The following HEATR1 variants were observed in gnomAD, a reference collection of about 807,000 sequenced individuals.
The protein encoded by HEATR1 is HEAT repeat containing 1, also known as HEAT repeat-containing protein 1.
Under a neutral mutation model 248.2 loss-of-function variants are expected in HEATR1, and 77 were observed. The ratio of observed to expected loss-of-function variants is 0.31; its 90% confidence interval spans 0.26 to 0.37. The LOEUF is 0.37. Among genes scored for constraint, HEATR1 ranks in the 10% least tolerant of loss-of-function variants. The pLI, the probability that HEATR1 is intolerant of heterozygous loss-of-function variation, is 1.00. For synonymous variants in HEATR1, 897 were observed against 923.1 expected, an observed-to-expected ratio of 0.97 and a Z score of 0.51; for missense variants, 2,420 against 2,504.9, an observed-to-expected ratio of 0.97 and a Z score of 0.72.
At chr1:236,589,432 T>C (rs1663973143) in intron 12 of HEATR1, among the ~76,000 whole-genome samples, 1 of 152,236 alleles carries the variant, frequency 6.6e-6, no homozygotes, top group South Asian at 2.1e-4. Flanking sequence ...ATGTTGTTTG[T>C]TGTTTATATA....
chr1:236,573,794 G>A (rs1461865138), intron 24 of HEATR1, among the ~76,000 whole-genome samples: 4 of 151,954 alleles, frequency 2.6e-5, no homozygotes, highest in Admixed American at 1.3e-4. Context: ...TTCAATATAC[G>A]TATAAAACCA....
At position 236,585,211 on chromosome 1, in the gene HEATR1, C is replaced by T. The variant is rs751123061; in HGVS notation, c.2055G>A (p.Glu685=). 3.1e-6 allele frequency: 5 copies of T among 1,602,568 alleles called. No individual in the cohort carries two copies. In the East Asian group the frequency reaches 6.7e-5, roughly 21 times the overall value. ...GDPSSMLKMV[E]DLISVGEEES... is the part of the protein sequence containing the mutation. ...CCTCCTCACCCACGCTTATTAAATCCTCCACCTTGAAAAATAAACACACTC... is the reference window on the plus strand; with the variant it reads ...CCTCCTCACCCACGCTTATTAAATCTTCCACCTTGAAAAATAAACACACTC... The change falls in exon 17 of 45, where the codon GAG becomes GAA. Residue 685 remains glutamate (E), a synonymous_variant. Transcript: ENST00000366582.
chr1:236,601,681 A>C (rs605565), intron 3 of HEATR1, among the ~76,000 whole-genome samples: 4,082 of 123,166 alleles, frequency 0.033, 57 homozygotes, highest in Non-Finnish European at 0.047. Context: ...AACAAACAAA[A>C]AAAAAACTAG....
rs147127142 is a variant in HEATR1 at position 236,581,980 on chromosome 1, G to A, written c.2563-566C>T. Among the ~76,000 whole-genome samples, 662 of 151,858 alleles carry A rather than the reference G, an allele frequency of 4.4e-3. 6 individuals carry two copies. The highest frequency in any genetic ancestry group is 0.015 in the African/African-American group (620 of 41,234). ...AATGTTAGTTTCTATTCAACCTACCGATTAGTATTGTGATTGTACTCTTTT... is the reference window on the plus strand; with the variant it reads ...AATGTTAGTTTCTATTCAACCTACCAATTAGTATTGTGATTGTACTCTTTT... On this transcript the variant is annotated intron_variant, in intron 19 of 44. Transcript: ENST00000366582.
At chr1:236,552,383 T>TA (rs1216168538) in intron 43 of HEATR1, 28 of 208,212 alleles carry the variant, frequency 1.3e-4, no homozygotes, top group Non-Finnish European at 1.8e-4. Flanking sequence ...TCTCTTCCTT[T>TA]AAAAAAAACC....
At chr1:236,594,369 TAACAA>T (rs1308347463) in intron 8 of HEATR1, among the ~76,000 whole-genome samples, 8 of 152,288 alleles carry the variant, frequency 5.3e-5, no homozygotes, top group East Asian at 1.9e-4. Context: ...CTTATAACAA[TAACAA>T]AACAAAAGTC....
At chr1:236,597,287 C>CT (rs1265394241) in intron 5 of HEATR1, among the ~76,000 whole-genome samples, 9 of 142,924 alleles carry the variant, frequency 6.3e-5, no homozygotes, top group African/African-American at 1.9e-4. Context: ...GATGGAGTCT[C>CT]TGTCGCCCAG....
intron 9 of HEATR1, among the ~76,000 whole-genome samples, chr1:236,593,245 C>G (rs1203725878): frequency 6.6e-6 from 1 of 151,752 alleles, no homozygotes; most frequent in Non-Finnish European, 1.5e-5. Flanking sequence ...TTCCAATTTG[C>G]TCATGAGAAC....
intron 32 of HEATR1, among the ~76,000 whole-genome samples, chr1:236,564,068 T>A (rs1384985049): frequency 6.6e-6 from 1 of 152,204 alleles, no homozygotes; most frequent in Non-Finnish European, 1.5e-5. Context: ...CAGTGAGCCA[T>A]GATTGCTCTA....
intron 32 of HEATR1, 77 bp from the exon 33 acceptor site, chr1:236,561,348 C>A: frequency 8.8e-7 from 1 of 1,136,128 alleles, no homozygotes; most frequent in Non-Finnish European, 1.3e-6. Flanking sequence ...TTCAATGAAA[C>A]TCGGACCATT....
intron 4 of HEATR1, 51 bp from the exon 5 acceptor site, chr1:236,598,030 T>C: frequency 8.4e-7 from 1 of 1,189,288 alleles, no homozygotes; most frequent in East Asian, 2.4e-5. Flanking sequence ...CAACTGATCC[T>C]TATTTTAAAG....
In HEATR1 at chr1:236,604,127, G is replaced by A. The variant is rs747428370; in HGVS notation, c.-32C>T. 1.3e-6 allele frequency: 2 copies of A among 1,537,760 alleles called. No homozygotes were observed. The highest frequency in any genetic ancestry group is 1.7e-6 in the Non-Finnish European group (2 of 1,150,538). The stretch of plus-strand genomic sequence containing the variant: ...CGCCAGCGGAGTTTTAATGACACGG[G>A]CTAAAAAAACGTAAGCACTTTGATA... On this transcript the variant is annotated splice_region_variant and 5_prime_UTR_variant, in exon 2 of 45. Coordinates refer to ENST00000366582, the MANE Select transcript of HEATR1 (RefSeq NM_018072.6).
At chr1:236,565,100 A>G (rs1484125575) in intron 31 of HEATR1, among the ~76,000 whole-genome samples, 1 of 152,168 alleles carries the variant, frequency 6.6e-6, no homozygotes, top group Non-Finnish European at 1.5e-5. Context: ...CATACACCAC[A>G]TACTGTCCAG....
Position 236,585,886 on chromosome 1 carries a change from A to G in HEATR1, c.1983T>C (p.Asn661=), listed in dbSNP as rs528365714. The change falls in exon 16 of 45, where the codon AAT becomes AAC. Residue 661 remains asparagine (N), a synonymous_variant. Coordinates refer to ENST00000366582, the MANE Select transcript of HEATR1 (RefSeq NM_018072.6). The part of the protein sequence containing the change: ...TKPGKLIGVA[N]QKMIELLADN... ...CAGCCAACAACTCAATCATCTTCTG[A>G]TTTGCTACACCGATTAGTTTTCCTG... 6.2e-7 allele frequency: 1 copy of G among 1,613,172 alleles called. No individual in the cohort carries two copies. Among genetic ancestry groups the G allele is most frequent in the Non-Finnish European group, 8.5e-7 (1 of 1,179,342 alleles).
At chr1:236,603,894 A>C (rs887152282) in intron 2 of HEATR1, 60 bp downstream of exon 2, 94 of 1,556,398 alleles carry the variant, frequency 6.0e-5, no homozygotes, top group East Asian at 1.4e-4. Flanking sequence ...AAAAAAAAAA[A>C]CAGTAACATC....
At position 236,572,533 on chromosome 1, in the gene HEATR1, A is replaced by C. The variant is rs763563046; in HGVS notation, c.3585T>G (p.Ser1195=). The C allele has an allele frequency of 6.2e-7, 1 of 1,613,982 alleles. No homozygotes were observed. Among genetic ancestry groups the C allele is most frequent in the Non-Finnish European group, 8.5e-7 (1 of 1,179,952 alleles). The part of the protein sequence containing the change: ...MQQKKSQDLE[S]VQEVGGSYWQ... ...AGTAAGAACCTCCAACTTCCTGAAC[A>C]GATTCTAGATCTTGTGATTTTCTGG... The change falls in exon 26 of 45, where the codon TCT becomes TCG. Residue 1195 remains serine (S), a synonymous_variant. Transcript: ENST00000366582.
intron 17 of HEATR1, 43 bp from the exon 18 acceptor site, chr1:236,583,239 T>C (rs1572046432): frequency 6.6e-7 from 1 of 1,509,360 alleles, no homozygotes. Context: ...AACTAAGGGT[T>C]CTGAACATGG....
At chr1:236,583,518 G>C (rs1663810049) in intron 17 of HEATR1, among the ~76,000 whole-genome samples, 1 of 124,372 alleles carries the variant, frequency 8.0e-6, no homozygotes, top group East Asian at 2.3e-4. Flanking sequence ...ACGGAGTCTT[G>C]CTCTGTCACC....
intron 6 of HEATR1, among the ~76,000 whole-genome samples, chr1:236,596,589 G>A (rs1416559022): frequency 6.6e-6 from 1 of 152,178 alleles, no homozygotes; most frequent in East Asian, 1.9e-4. Flanking sequence ...AGACTGCTAT[G>A]GAAATCAATC....
Sources: allele counts gnomAD v4.1 joint callset (sites outside exome capture counted in the v4.1 genomes callset), GRCh38; gene constraint gnomAD v4.1.1; transcripts MANE v1.5; gene names NCBI Gene and HGNC (gene_info 2026-07-23, HGNC 2026-07-21).